Variants in LHFPL3 observed in about 807,000 individuals in gnomAD.
LHFPL3 encodes LHFPL tetraspan subfamily member 3 protein.
A neutral mutation model predicts 19.3 loss-of-function variants in LHFPL3; 5 were observed. The ratio of observed to expected loss-of-function variants is 0.26; its 90% confidence interval spans 0.14 to 0.54. The LOEUF is 0.54. Among genes scored for constraint, LHFPL3 ranks in the 20% least tolerant of loss-of-function variants. LHFPL3 has a pLI of 0.94. For synonymous variants in LHFPL3, 133 were observed against 126.2 expected, an observed-to-expected ratio of 1.05 and a Z score of -0.36; for missense variants, 249 against 307.4, an observed-to-expected ratio of 0.81 and a Z score of 1.42.
At chr7:104,561,511 C>T (rs1355776034) in intron 1 of LHFPL3, among the ~76,000 whole-genome samples, 6 of 150,422 alleles carry the variant, frequency 4.0e-5, no homozygotes, top group Admixed American at 6.6e-5. Context: ...CAACCCCTGC[C>T]TTTTTTTGTT....
At chr7:104,815,094 C>A (rs1790539881) in intron 2 of LHFPL3, among the ~76,000 whole-genome samples, 1 of 152,122 alleles carries the variant, frequency 6.6e-6, no homozygotes, top group Admixed American at 6.5e-5. Flanking sequence ...TCCCGCCTGC[C>A]CCCCAACCCC....
chr7:104,741,338 A>G (rs1584508336), intron 2 of LHFPL3, among the ~76,000 whole-genome samples: 1 of 152,198 alleles, frequency 6.6e-6, no homozygotes, highest in East Asian at 1.9e-4. Context: ...TTAAAAATGT[A>G]CTTTCATGAA....
rs374588461 is a variant in LHFPL3 at position 104,562,088 on chromosome 7, C to T, written c.446-174587C>T. On this transcript the variant is annotated intron_variant, in intron 1 of 2. Coordinates refer to ENST00000424859, the MANE Select transcript of LHFPL3 (RefSeq NM_199000.3). ...GATGGGCTTCCCTTTGAGGGTAACC[C>T]GACCTTTCTCTCTGGCTGCCCTTAA... Among the ~76,000 whole-genome samples the T allele has an allele frequency of 2.6e-5, 4 of 151,784 alleles. No individual in the cohort carries two copies. The East Asian group carries it at 5.8e-4, about 22-fold the overall frequency.
At chr7:104,669,223 T>G in intron 1 of LHFPL3, 2 of 1,613,906 alleles carry the variant, frequency 1.2e-6, no homozygotes, top group Non-Finnish European at 1.7e-6. Flanking sequence ...TCCTGCTCGA[T>G]CTCAGAGCTC....
intron 1 of LHFPL3, among the ~76,000 whole-genome samples, chr7:104,330,481 G>A (rs1801547212): frequency 6.6e-6 from 1 of 152,184 alleles, no homozygotes; most frequent in African/African-American, 2.4e-5. Context: ...ATACTTAAAG[G>A]TGCTGGACAA....
At chr7:104,881,043 A>G (rs1162433479) in intron 2 of LHFPL3, among the ~76,000 whole-genome samples, 3 of 151,780 alleles carry the variant, frequency 2.0e-5, no homozygotes, top group Non-Finnish European at 2.9e-5. Flanking sequence ...GCTAGCAGGC[A>G]CCTGTAGTCC....
At chr7:104,688,461 A>C (rs1792845821) in intron 1 of LHFPL3, among the ~76,000 whole-genome samples, 1 of 152,120 alleles carries the variant, frequency 6.6e-6, no homozygotes. Flanking sequence ...AAAGAATGGG[A>C]CCCTGCAACT....
chr7:104,642,228 G>A (rs1791850581), intron 1 of LHFPL3, among the ~76,000 whole-genome samples: 1 of 151,850 alleles, frequency 6.6e-6, no homozygotes, highest in Admixed American at 6.6e-5. Flanking sequence ...AGTAGAGACA[G>A]GGTTTCAGCA....
intron 1 of LHFPL3, chr7:104,669,025 A>G (rs1792420551): frequency 3.7e-6 from 6 of 1,612,048 alleles, no homozygotes; most frequent in Non-Finnish European, 4.2e-6. Flanking sequence ...ACAGACTGGG[A>G]CCTCCACCAC....
At chr7:104,426,969 T>G (rs1043539565) in intron 1 of LHFPL3, among the ~76,000 whole-genome samples, 1 of 152,166 alleles carries the variant, frequency 6.6e-6, no homozygotes, top group Non-Finnish European at 1.5e-5. Context: ...AAATAAACAT[T>G]CAAAAATATA....
intron 2 of LHFPL3, among the ~76,000 whole-genome samples, chr7:104,783,001 T>C (rs1789843237): frequency 6.6e-6 from 1 of 152,214 alleles, no homozygotes; most frequent in Non-Finnish European, 1.5e-5. Flanking sequence ...CCTTAAGATC[T>C]TGGCTTAAAG....
intron 2 of LHFPL3, among the ~76,000 whole-genome samples, chr7:104,795,940 A>G (rs939026123): frequency 1.3e-5 from 2 of 151,694 alleles, no homozygotes; most frequent in Non-Finnish European, 2.9e-5. Context: ...CGTTCCTATT[A>G]GAATTCACCT....
rs187613572 is a variant in LHFPL3, at chr7:104,483,421, G to C, written c.445+154197G>C. 2.1e-3 allele frequency among the ~76,000 whole-genome samples: 326 copies of C among 152,190 alleles called. 1 individual carries two copies. Among genetic ancestry groups the C allele is most frequent in the African/African-American group, 7.5e-3 (311 of 41,544 alleles). On this transcript the variant is annotated intron_variant, in intron 1 of 2. Transcript: ENST00000424859. ...TTTCTTTCCTTTCCCAAAGAAAAAG[G>C]CTTTTAAATTGATGATCTATGGACT...
At chr7:104,731,796 T>C (rs1584502364) in intron 1 of LHFPL3, among the ~76,000 whole-genome samples, 1 of 151,832 alleles carries the variant, frequency 6.6e-6, no homozygotes, top group Non-Finnish European at 1.5e-5. Flanking sequence ...ATCCCTGTCT[T>C]GTGCCAGTTT....
At chr7:104,723,543 G>A (rs1285112406) in intron 1 of LHFPL3, among the ~76,000 whole-genome samples, 1 of 151,872 alleles carries the variant, frequency 6.6e-6, no homozygotes, top group Non-Finnish European at 1.5e-5. Context: ...CCAACATGGT[G>A]AAACCCTGTC....
At chr7:104,749,261 T>A (rs1453381255) in intron 2 of LHFPL3, among the ~76,000 whole-genome samples, 2 of 152,416 alleles carry the variant, frequency 1.3e-5, no homozygotes, top group Admixed American at 1.3e-4. Context: ...AACCTCTGCT[T>A]GCAGAAATGT....
At chr7:104,806,246 C>T (rs1049861912) in intron 2 of LHFPL3, among the ~76,000 whole-genome samples, 4 of 152,196 alleles carry the variant, frequency 2.6e-5, no homozygotes, top group Admixed American at 6.5e-5. Flanking sequence ...TTCATTCATA[C>T]TTAGGTTTCA....
chr7:104,386,668 A>G (rs1366741245), intron 1 of LHFPL3, among the ~76,000 whole-genome samples: 2 of 152,230 alleles, frequency 1.3e-5, no homozygotes, highest in Non-Finnish European at 2.9e-5. Flanking sequence ...AACATTGCAA[A>G]TGTGCCCTGA....
At chr7:104,490,941 C>T (rs966637678) in intron 1 of LHFPL3, among the ~76,000 whole-genome samples, 1 of 152,100 alleles carries the variant, frequency 6.6e-6, no homozygotes, top group Non-Finnish European at 1.5e-5. Flanking sequence ...TTCTTCATTC[C>T]TTTCCCTAAA....
Sources: allele counts gnomAD v4.1 joint callset (sites outside exome capture counted in the v4.1 genomes callset), GRCh38; gene constraint gnomAD v4.1.1; transcripts MANE v1.5; gene names NCBI Gene and HGNC (gene_info 2026-07-23, HGNC 2026-07-21).